Variants in KCNMB2 observed in about 807,000 individuals in gnomAD.
The protein encoded by KCNMB2 is potassium calcium-activated channel subfamily M regulatory beta subunit 2.
In KCNMB2, 9 loss-of-function variants were observed where a neutral mutation model predicts 24.5. The ratio of observed to expected loss-of-function variants is 0.37; its 90% CI spans 0.22 to 0.64. The LOEUF is 0.64. KCNMB2 is among the 30% of genes least tolerant of loss of function. The pLI is 0.63. For synonymous variants in KCNMB2, 109 were observed against 104.4 expected (o/e 1.04, Z -0.27); for missense variants, 226 against 284.3 (o/e 0.79, Z 1.47).
chr3:178,722,546 C>T lies in KCNMB2; in HGVS notation c.-67-84797C>T, dbSNP rs149976639. ...GATAATGAGCCTACTCCAGAGATAA[C>T]GACATTAATCTATTCATGAGAATTC... On this transcript the variant is annotated intron_variant, in intron 1 of 4. Coordinates refer to ENST00000452583, the MANE Select transcript of KCNMB2 (RefSeq NM_181361.3). Among the ~76,000 whole-genome samples the T allele has an allele frequency of 3.5e-3, 540 of 152,186 alleles. 7 individuals carry two copies. The highest frequency in any genetic ancestry group is 7.6e-3 in the African/African-American group (315 of 41,534).
intron 1 of KCNMB2, among the ~76,000 whole-genome samples, chr3:178,604,632 G>A (rs1718209801): frequency 6.6e-6 from 1 of 152,098 alleles, no homozygotes; most frequent in Non-Finnish European, 1.5e-5. Context: ...ACAAGATTTG[G>A]TTTTTAAAAT....
chr3:178,723,324 T>C (rs531127675), intron 1 of KCNMB2, among the ~76,000 whole-genome samples: 2 of 152,318 alleles, frequency 1.3e-5, no homozygotes, highest in Admixed American at 1.3e-4. Flanking sequence ...TTGACATCTT[T>C]ACTATATTGA....
chr3:178,834,924 A>G (rs111505047), intron 4 of KCNMB2, among the ~76,000 whole-genome samples: 1 of 151,952 alleles, frequency 6.6e-6, no homozygotes, highest in Admixed American at 6.6e-5. Flanking sequence ...GGGGGAAGGA[A>G]CCTAGTGCTT....
chr3:178,633,930 C>G (rs1719420677), intron 1 of KCNMB2, among the ~76,000 whole-genome samples: 1 of 152,204 alleles, frequency 6.6e-6, no homozygotes, highest in South Asian at 2.1e-4. Flanking sequence ...ACACAGATCT[C>G]TAGGGCAGGG....
chr3:178,598,440 A>G (rs1044515581), intron 1 of KCNMB2, among the ~76,000 whole-genome samples: 1 of 151,928 alleles, frequency 6.6e-6, no homozygotes. Context: ...TCACTCATTC[A>G]TTTATGTACT....
intron 1 of KCNMB2, among the ~76,000 whole-genome samples, chr3:178,599,764 C>T (rs953556985): frequency 6.6e-6 from 1 of 152,204 alleles, no homozygotes; most frequent in Non-Finnish European, 1.5e-5. Context: ...CAACTCGTTT[C>T]CCTCTCCTCT....
At chr3:178,570,423 T>C (rs1269312382) in intron 1 of KCNMB2, among the ~76,000 whole-genome samples, 1 of 151,834 alleles carries the variant, frequency 6.6e-6, no homozygotes, top group East Asian at 1.9e-4. Context: ...ACTAGAAACT[T>C]ACCTCATTAA....
chr3:178,656,061 T>C (rs1175348495), intron 1 of KCNMB2, among the ~76,000 whole-genome samples: 1 of 152,162 alleles, frequency 6.6e-6, no homozygotes, highest in Non-Finnish European at 1.5e-5. Flanking sequence ...GCAACAATTG[T>C]CTCATAACCA....
At chr3:178,613,282 C>T (rs1718562090) in intron 1 of KCNMB2, among the ~76,000 whole-genome samples, 1 of 152,068 alleles carries the variant, frequency 6.6e-6, no homozygotes, top group African/African-American at 2.4e-5. Context: ...CCTTTAATCC[C>T]CACTACTTGG....
At chr3:178,775,673 G>A (rs1404521161) in intron 1 of KCNMB2, among the ~76,000 whole-genome samples, 1 of 152,098 alleles carries the variant, frequency 6.6e-6, no homozygotes, top group Non-Finnish European at 1.5e-5. Context: ...AATGAATATG[G>A]CTCTTGTCAA....
At chr3:178,815,789 A>T (rs1273024672) in intron 2 of KCNMB2, among the ~76,000 whole-genome samples, 1 of 152,042 alleles carries the variant, frequency 6.6e-6, no homozygotes, top group Non-Finnish European at 1.5e-5. Flanking sequence ...ACATTATTAT[A>T]TGATTATAAC....
At chr3:178,781,394 C>T (rs9843642) in intron 1 of KCNMB2, among the ~76,000 whole-genome samples, 26,597 of 151,426 alleles carry the variant, frequency 0.18, 2,762 homozygotes, top group African/African-American at 0.28. Flanking sequence ...GGGTTTGAGA[C>T]CAGCCTGGCC....
intron 4 of KCNMB2, among the ~76,000 whole-genome samples, chr3:178,836,162 C>A (rs1174374341): frequency 6.6e-6 from 1 of 152,056 alleles, no homozygotes; most frequent in Non-Finnish European, 1.5e-5. Flanking sequence ...CCTCCCTTCC[C>A]CACATCTTTT....
chr3:178,683,544 T>C (rs776075089), intron 1 of KCNMB2, among the ~76,000 whole-genome samples: 1 of 152,192 alleles, frequency 6.6e-6, no homozygotes, highest in Non-Finnish European at 1.5e-5. Context: ...ACTAATTAGA[T>C]ATTTTACATT....
intron 1 of KCNMB2, among the ~76,000 whole-genome samples, chr3:178,586,332 A>G (rs1717426034): frequency 6.6e-6 from 1 of 151,934 alleles, no homozygotes; most frequent in African/African-American, 2.4e-5. Flanking sequence ...CTGGACAGGA[A>G]AAAAAAAGAA....
At chr3:178,543,458 T>G (rs1715684815) in intron 1 of KCNMB2, among the ~76,000 whole-genome samples, 1 of 152,226 alleles carries the variant, frequency 6.6e-6, no homozygotes, top group South Asian at 2.1e-4. Context: ...ATGACTTCAG[T>G]GCACAACGTG....
chr3:178,664,294 A>G (rs570573343), intron 1 of KCNMB2, among the ~76,000 whole-genome samples: 8 of 152,234 alleles, frequency 5.3e-5, no homozygotes, highest in Admixed American at 1.3e-4. Flanking sequence ...TTTTAGAAAC[A>G]TTTCTCAGTC....
intron 1 of KCNMB2, among the ~76,000 whole-genome samples, chr3:178,721,833 T>C (rs1405530157): frequency 6.6e-6 from 1 of 152,234 alleles, no homozygotes; most frequent in Admixed American, 6.5e-5. Flanking sequence ...TAGCTGATGG[T>C]GTTGATTACC....
At chr3:178,731,155 G>A (rs1260147166) in intron 1 of KCNMB2, among the ~76,000 whole-genome samples, 1 of 152,098 alleles carries the variant, frequency 6.6e-6, no homozygotes, top group Non-Finnish European at 1.5e-5. Flanking sequence ...CCAAGTGGGA[G>A]CCTATATGAA....
Sources: allele counts gnomAD v4.1 joint callset (sites outside exome capture counted in the v4.1 genomes callset), GRCh38; gene constraint gnomAD v4.1.1; transcripts MANE v1.5; gene names NCBI Gene and HGNC (gene_info 2026-07-23, HGNC 2026-07-21).